Variants in ADD2 observed in about 807,000 individuals in gnomAD.
ADD2 encodes beta-adducin.
Under a neutral mutation model 83.0 loss-of-function variants are expected in ADD2, and 23 were observed. That is an observed-to-expected ratio of 0.28 (90% CI 0.20 to 0.39). ADD2 has a LOEUF of 0.39. ADD2 is among the 10% of genes least tolerant of loss of function. The pLI, the probability that ADD2 is intolerant of heterozygous loss-of-function variation, is 1.00. For synonymous variants in ADD2, 375 were observed against 375.4 expected, an observed-to-expected ratio of 1.00 and a Z score of 0.01; for missense variants, 758 against 944.9, an observed-to-expected ratio of 0.80 and a Z score of 2.59.
chr2:70,670,814 T>C (rs782237971), intron 15 of ADD2, among the ~76,000 whole-genome samples: 5 of 152,176 alleles, frequency 3.3e-5, no homozygotes, highest in Admixed American at 6.5e-5. Flanking sequence ...CAACTACAGC[T>C]TGTGTCCTCG....
At chr2:70,669,080 G>A (rs539258599) in intron 15 of ADD2, among the ~76,000 whole-genome samples, 1 of 152,284 alleles carries the variant, frequency 6.6e-6, no homozygotes, top group South Asian at 2.1e-4. Context: ...ACAAGGGCTG[G>A]GCACTCATGC....
At chr2:70,718,137 C>G (rs1672563930) in intron 1 of ADD2, among the ~76,000 whole-genome samples, 1 of 152,222 alleles carries the variant, frequency 6.6e-6, no homozygotes, top group Admixed American at 6.5e-5. Flanking sequence ...CAAACGACCT[C>G]AAACCTAATA....
intron 14 of ADD2, 157 bp from the exon 15 acceptor site, chr2:70,673,163 T>C (rs1669979128): frequency 6.4e-7 from 1 of 1,572,826 alleles, no homozygotes; most frequent in Admixed American, 1.7e-5. Context: ...CCCCTGACCT[T>C]CTTAGATTTC....
intron 15 of ADD2, among the ~76,000 whole-genome samples, chr2:70,669,287 A>G (rs1425179348): frequency 6.8e-6 from 1 of 147,596 alleles, no homozygotes; most frequent in African/African-American, 2.6e-5. Context: ...GTGAAAATGC[A>G]TCTTCTTTAG....
rs5832031 is a variant in ADD2, at chr2:70,757,288, T to TG, written c.-154+10597dup. On this transcript the variant is annotated intron_variant, in intron 1 of 15. Coordinates refer to ENST00000264436, the MANE Select transcript of ADD2 (RefSeq NM_001617.4). ...GGTTTGCCTGTGGATAAGGGATTTG[T>TG]GGGGGGGGGGGATTTGTACAGGGAT... Among the ~76,000 whole-genome samples, 489 of 150,206 alleles carry TG rather than the reference T, an allele frequency of 3.3e-3. 4 individuals carry two copies. The highest frequency in any genetic ancestry group is 0.011 in the African/African-American group (461 of 41,068).
chr2:70,764,175 A>T (rs1350637954), intron 1 of ADD2, among the ~76,000 whole-genome samples: 1 of 151,824 alleles, frequency 6.6e-6, no homozygotes, highest in African/African-American at 2.4e-5. Context: ...GGCGTGAGCC[A>T]CCGCGCCCGG....
rs146386586 is a variant in ADD2, at chr2:70,709,685, T to A, written c.-34-3243A>T. On this transcript the variant is annotated intron_variant, in intron 2 of 15. Transcript: ENST00000264436. The stretch of plus-strand genomic sequence containing the variant: ...GTTGGAGACAGATACATTCGTGTAA[T>A]AAAGGCGGAAGCATGGAGGATCTGG... 2.2e-4 allele frequency among the ~76,000 whole-genome samples: 34 copies of A among 152,302 alleles called. No homozygotes were observed. In the East Asian group the frequency reaches 6.6e-3, roughly 29 times the overall value.
chr2:70,688,763 C>T (rs1165739815), intron 8 of ADD2, among the ~76,000 whole-genome samples: 1 of 152,126 alleles, frequency 6.6e-6, no homozygotes, highest in African/African-American at 2.4e-5. Context: ...ACCTTCTCAT[C>T]TAACTCATCG....
At chr2:70,739,463 A>C (rs1279727766) in intron 1 of ADD2, among the ~76,000 whole-genome samples, 2 of 152,208 alleles carry the variant, frequency 1.3e-5, no homozygotes, top group Non-Finnish European at 2.9e-5. Context: ...CCGTTGTGGA[A>C]AGCAGTGTGG....
chr2:70,689,410 C>T (rs1169134708), intron 8 of ADD2, among the ~76,000 whole-genome samples: 1 of 152,264 alleles, frequency 6.6e-6, no homozygotes, highest in Admixed American at 6.5e-5. Flanking sequence ...AGCCTGATGG[C>T]TCTAAACATC....
At chr2:70,742,538 A>G (rs965573528) in intron 1 of ADD2, among the ~76,000 whole-genome samples, 1 of 152,254 alleles carries the variant, frequency 6.6e-6, no homozygotes, top group East Asian at 1.9e-4. Context: ...AGAAAATATG[A>G]CGATATCTGC....
intron 1 of ADD2, among the ~76,000 whole-genome samples, chr2:70,761,226 ACTT>A: frequency 8.1e-6 from 1 of 122,846 alleles, no homozygotes; most frequent in South Asian, 2.4e-4. Flanking sequence ...AGCATGCATT[ACTT>A]TTTTTTTTTT....
rs1553374439 is a variant in ADD2 at position 70,706,332 on chromosome 2, T to A, written c.77A>T (p.Glu26Val). ...QGQPYFDRFS[E>V]DDPEYMRLRN... The stretch of plus-strand genomic sequence containing the variant: ...AAGGCGCATGTACTCGGGGTCGTCC[T>A]CTGAGAAGCGGTCAAAGTAAGGCTG... Residue 26 changes from glutamate (E) to valine (V), a missense_variant, in exon 3 of 16, where the codon GAG (glutamate) becomes GTG (valine). Glu to Val is a moderately radical substitution (Grantham distance 121, BLOSUM62 -2). This residue lies in a region of ADD2 where 175 missense variants were observed against 192.1 expected (regional missense o/e 0.91). Coordinates refer to ENST00000264436, the MANE Select transcript of ADD2 (RefSeq NM_001617.4). This position sits in a 1 kb window ranked among gnomAD's most constrained non-coding sequence, Gnocchi z 5.0. 1 of 1,613,862 alleles carries A rather than the reference T, an allele frequency of 6.2e-7. No homozygotes were observed. Among genetic ancestry groups the A allele is most frequent in the East Asian group, 2.2e-5 (1 of 44,892 alleles).
At chr2:70,691,228 C>G (rs560680128) in intron 7 of ADD2, among the ~76,000 whole-genome samples, 4 of 152,132 alleles carry the variant, frequency 2.6e-5, no homozygotes, top group Admixed American at 6.5e-5. Context: ...CCCTCCCACT[C>G]CCCCCACCTC....
At chr2:70,735,998 C>T (rs1358331732) in intron 1 of ADD2, among the ~76,000 whole-genome samples, 2 of 151,734 alleles carry the variant, frequency 1.3e-5, no homozygotes, top group Non-Finnish European at 2.9e-5. Context: ...CCGCCACACA[C>T]AGCCCATGTT....
chr2:70,728,092 A>G (rs990188867), intron 1 of ADD2, among the ~76,000 whole-genome samples: 6 of 152,140 alleles, frequency 3.9e-5, no homozygotes, highest in African/African-American at 7.2e-5. Context: ...TAGAAGAAAC[A>G]CTGCTGTGCT....
chr2:70,721,367 C>G (rs1178498501), intron 1 of ADD2, among the ~76,000 whole-genome samples: 1 of 152,196 alleles, frequency 6.6e-6, no homozygotes, highest in African/African-American at 2.4e-5. Context: ...TATTCTCCCC[C>G]CATGACTCTA....
At chr2:70,667,212 T>A (rs1574212817) in intron 15 of ADD2, among the ~76,000 whole-genome samples, 1 of 146,124 alleles carries the variant, frequency 6.8e-6, no homozygotes, top group South Asian at 2.2e-4. Flanking sequence ...ATTGTGGGGG[T>A]GAGTAGAGTG....
At chr2:70,664,863 G>T (rs868940582) in intron 15 of ADD2, among the ~76,000 whole-genome samples, 1 of 152,078 alleles carries the variant, frequency 6.6e-6, no homozygotes, top group African/African-American at 2.4e-5. Flanking sequence ...TGTGGTGTGA[G>T]CATGTGCGAA....
Sources: gnomAD v4.1 joint callset for allele counts (sites outside exome capture counted in the v4.1 genomes callset) on GRCh38, gnomAD v4.1.1 for gene constraint, gnomAD v4.1.1 regional missense constraint, Gnocchi (gnomAD v3.1) non-coding constraint, MANE v1.5 for transcripts, NCBI Gene and HGNC (gene_info 2026-07-23, HGNC 2026-07-21) for gene names.